MAEL: variants seen among roughly 807,000 people sequenced by gnomAD.
MAEL encodes the protein maelstrom spermatogenic transposon silencer.
MAEL carries 46 observed loss-of-function variants against 62.0 expected under a neutral mutation model. The ratio of observed to expected loss-of-function variants is 0.74; its 90% CI spans 0.59 to 0.95. The LOEUF (loss-of-function observed/expected upper bound fraction) is 0.95, where lower values mean the gene tolerates loss of function less well. MAEL is among the 40% of genes least tolerant of loss of function. The pLI, the probability that MAEL is intolerant of heterozygous loss-of-function variation, is 0.00. For synonymous variants in MAEL, 172 were observed against 175.5 expected, an observed-to-expected ratio of 0.98 and a Z score of 0.16; for missense variants, 497 against 526.8, an observed-to-expected ratio of 0.94 and a Z score of 0.55.
In MAEL at chr1:167,021,739, C is replaced by G. The variant is rs138195157; in HGVS notation, c.1189C>G (p.Leu397Val). The stretch of plus-strand genomic sequence containing the variant: ...TCGGGGAAGAGGAATTACCCGCTTA[C>G]TAGAGAGCATTTCCAATTCTTCCAG... ...SVRGRGITRL[L>V]ESISNSSSNI... The change falls in exon 12 of 12, where the codon CTA (leucine) becomes GTA (valine). Residue 397 changes from leucine to valine, a missense_variant. Transcript: ENST00000367872. The G allele has an allele frequency of 4.3e-6, 7 of 1,613,440 alleles. No homozygotes were observed. Among genetic ancestry groups the G allele is most frequent in the African/African-American group, 4.0e-5 (3 of 74,906 alleles).
At chr1:166,996,875 G>A (rs905032811) in intron 5 of MAEL, among the ~76,000 whole-genome samples, 1 of 152,116 alleles carries the variant, frequency 6.6e-6, no homozygotes, top group Non-Finnish European at 1.5e-5. Context: ...CGCCCAGGCT[G>A]GAGTGCAGTG....
intron 1 of MAEL, among the ~76,000 whole-genome samples, chr1:166,983,279 C>T (rs1663813408): frequency 6.6e-6 from 1 of 152,112 alleles, no homozygotes; most frequent in Admixed American, 6.5e-5. Flanking sequence ...GCCTTTCTTC[C>T]TACTTTTTCA....
Position 167,015,420 on chromosome 1 carries a change from T to G in MAEL, c.846-802T>G, listed in dbSNP as rs536746756. Among the ~76,000 whole-genome samples the G allele has an allele frequency of 3.2e-4, 49 of 152,326 alleles. No homozygotes were observed. The South Asian group carries it at 9.5e-3, about 30-fold the overall frequency. On this transcript the variant is annotated intron_variant, in intron 8 of 11. Transcript: ENST00000367872. ...TCATCCAGTGCAAATAATGGACTTTTTACACTGTTTAGTGTGTTTATAATT... is the reference window on the plus strand; with the variant it reads ...TCATCCAGTGCAAATAATGGACTTTGTACACTGTTTAGTGTGTTTATAATT...
At chr1:166,988,382 A>G (rs1663997681), upstream of MAEL, among the ~76,000 whole-genome samples, 1 of 151,754 alleles carries the variant, frequency 6.6e-6, no homozygotes, top group Admixed American at 6.6e-5. Flanking sequence ...AATTTAAAAG[A>G]TAAAACCGTG....
chr1:167,017,326 C>G (rs1665439327), intron 9 of MAEL, among the ~76,000 whole-genome samples: 1 of 152,106 alleles, frequency 6.6e-6, no homozygotes, highest in Non-Finnish European at 1.5e-5. Context: ...CTTTTATTTT[C>G]TATCCATGTC....
intron 1 of MAEL, among the ~76,000 whole-genome samples, chr1:166,979,392 T>G (rs550971001): frequency 2.1e-4 from 31 of 151,120 alleles, no homozygotes; most frequent in African/African-American, 7.3e-4. Flanking sequence ...ACCAAGGAAC[T>G]AAAAAAACTG....
At chr1:167,005,191 A>C in intron 7 of MAEL, 61 bp downstream of exon 7, 1 of 1,609,944 alleles carries the variant, frequency 6.2e-7, no homozygotes, top group Non-Finnish European at 8.5e-7. Flanking sequence ...ATTTGTTTCC[A>C]CTTTGATATC....
intron 6 of MAEL, 46 bp from the exon 7 acceptor site, chr1:167,005,030 T>G (rs771616761): frequency 6.3e-7 from 1 of 1,576,740 alleles, no homozygotes; most frequent in South Asian, 1.1e-5. Flanking sequence ...TAGGAGAAGA[T>G]ACAAGTAGTT....
At chr1:166,986,069 A>C (rs1014048983), upstream of MAEL, among the ~76,000 whole-genome samples, 1 of 152,238 alleles carries the variant, frequency 6.6e-6, no homozygotes, top group African/African-American at 2.4e-5. Context: ...GAATTAATGC[A>C]GATTAGACAT....
At chr1:166,981,493 AGAGG>A (rs143108408) in intron 1 of MAEL, among the ~76,000 whole-genome samples, 1 of 152,074 alleles carries the variant, frequency 6.6e-6, no homozygotes, top group African/African-American at 2.4e-5. Context: ...ATGTGTGTAG[AGAGG>A]GAGGGAGGGA....
chr1:167,007,878 A>G (rs918446208), intron 8 of MAEL, among the ~76,000 whole-genome samples: 2 of 152,120 alleles, frequency 1.3e-5, no homozygotes, highest in African/African-American at 4.8e-5. Flanking sequence ...TATATAGTCA[A>G]AATACTTTGT....
At chr1:167,019,870 A>G (rs560086070) in intron 10 of MAEL, among the ~76,000 whole-genome samples, 3 of 151,946 alleles carry the variant, frequency 2.0e-5, no homozygotes, top group East Asian at 3.9e-4. Flanking sequence ...TGGTTTTTCC[A>G]TCAGAATTAT....
chr1:166,981,186 C>A (rs1663748879), intron 1 of MAEL, among the ~76,000 whole-genome samples: 1 of 152,178 alleles, frequency 6.6e-6, no homozygotes, highest in African/African-American at 2.4e-5. Context: ...GGGCGAGGAT[C>A]TCTCATAGAA....
intron 2 of MAEL, 93 bp from the exon 3 acceptor site, chr1:166,991,285 A>G: frequency 1.3e-6 from 1 of 757,370 alleles, no homozygotes; most frequent in Non-Finnish European, 2.4e-6. Flanking sequence ...GGTAATCTAT[A>G]GGCTGTTTTG....
chr1:166,984,607 A>G (rs1663859446), upstream of MAEL, among the ~76,000 whole-genome samples: 1 of 152,212 alleles, frequency 6.6e-6, no homozygotes, highest in African/African-American at 2.4e-5. Flanking sequence ...TACTTAGAGC[A>G]ATACTCGAAC....
intron 1 of MAEL, among the ~76,000 whole-genome samples, chr1:166,979,748 G>A (rs1663702255): frequency 6.6e-6 from 1 of 152,192 alleles, no homozygotes; most frequent in African/African-American, 2.4e-5. Flanking sequence ...GCTGGGTGCT[G>A]AATTAGGTGA....
chr1:166,982,107 C>T (rs148451206), intron 1 of MAEL, among the ~76,000 whole-genome samples: 4 of 152,272 alleles, frequency 2.6e-5, no homozygotes, highest in African/African-American at 9.6e-5. Flanking sequence ...GTAGAATTCA[C>T]ATGTATATTG....
chr1:167,017,900 T>A lies in MAEL; in HGVS notation c.982T>A (p.Tyr328Asn). ...LTEAHVPLQDYEASNSVTPKM... is the reference protein window; with the variant it reads ...LTEAHVPLQDNEASNSVTPKM... ...AGAGGCTCATGTACCACTACAAGATTATGAGGCCAGCAATAGTGTGACACC... is the reference window on the plus strand; with the variant it reads ...AGAGGCTCATGTACCACTACAAGATAATGAGGCCAGCAATAGTGTGACACC... The change falls in exon 10 of 12, where the codon TAT becomes AAT. Residue 328 changes from tyrosine (Y) to asparagine (N), a missense_variant. Coordinates refer to ENST00000367872, the MANE Select transcript of MAEL (RefSeq NM_032858.3). 6.2e-7 allele frequency: 1 copy of A among 1,613,452 alleles called. No homozygotes were observed. Among genetic ancestry groups the A allele is most frequent in the Non-Finnish European group, 8.5e-7 (1 of 1,179,598 alleles).
intron 8 of MAEL, among the ~76,000 whole-genome samples, chr1:167,011,358 T>C (rs560012748): frequency 3.3e-5 from 5 of 151,506 alleles, no homozygotes; most frequent in Non-Finnish European, 7.4e-5. Flanking sequence ...TTGTTGTTGT[T>C]GTTCTTGTTA....
Sources: gnomAD v4.1 joint callset for allele counts (sites outside exome capture counted in the v4.1 genomes callset) on GRCh38, gnomAD v4.1.1 for gene constraint, MANE v1.5 for transcripts, NCBI Gene and HGNC (gene_info 2026-07-23, HGNC 2026-07-21) for gene names.